HCN4: variants seen among roughly 807,000 people sequenced by gnomAD.
HCN4 encodes potassium/sodium hyperpolarization-activated cyclic nucleotide-gated channel 4.
In HCN4, 29 loss-of-function variants were observed where a neutral mutation model predicts 76.9. That is an observed-to-expected ratio of 0.38 (90% confidence interval 0.28 to 0.51). The LOEUF (loss-of-function observed/expected upper bound fraction) is 0.51. Ranked by LOEUF, HCN4 falls within the 20% of genes least tolerant of loss-of-function variation. The probability of loss-of-function intolerance (pLI) is 0.90; values close to 1 mark genes in which losing one functional copy is unlikely to be tolerated. For synonymous variants in HCN4, 772 were observed against 762.5 expected, an observed-to-expected ratio of 1.01 and a Z score of -0.21; for missense variants, 1,416 against 1,715.2, an observed-to-expected ratio of 0.83 and a Z score of 3.08.
chr15:73,323,799 G>A lies in HCN4; in HGVS notation c.2294C>T (p.Ala765Val). The A allele has an allele frequency of 6.2e-7, 1 of 1,607,264 alleles. No individual in the cohort carries two copies. The highest frequency in any genetic ancestry group is 8.5e-7 in the Non-Finnish European group (1 of 1,179,500). Residue 765 changes from alanine to valine, a missense_variant, in exon 8 of 8, where the codon GCC becomes GTC. Ala to Val is a moderately conservative substitution (Grantham distance 64, BLOSUM62 0). Coordinates refer to ENST00000261917, the MANE Select transcript of HCN4 (RefSeq NM_005477.3). ...GATGACGGGCGTGGGGGTTGGGGTG[G>A]CAGAGGCAGCAGCCTGGACGCGGTG... ...CAHRVQAAAS[A>V]TPTPTPVIWT...
chr15:73,323,262 G>A lies in HCN4; in HGVS notation c.2831C>T (p.Ala944Val), dbSNP rs144450232. 7.7e-4 allele frequency: 1,173 copies of A among 1,525,396 alleles called. 7 individuals carry two copies. In the African/African-American group the frequency reaches 0.014, roughly 18 times the overall value. The allele number at this position is 1,525,396 out of a possible 1,614,324, so 94.5% of individuals were successfully genotyped here. Residue 944 changes from alanine to valine, a missense_variant, in exon 8 of 8, where the codon GCG becomes GTG. Ala to Val is a moderately conservative substitution (Grantham distance 64, BLOSUM62 0). This residue lies in a region of HCN4 where 633 missense variants were observed against 579.8 expected (regional missense o/e 1.09). Coordinates refer to ENST00000261917, the MANE Select transcript of HCN4 (RefSeq NM_005477.3). ...RSPQAAQPSP[A>V]PPGARGGLGL... The stretch of plus-strand genomic sequence containing the variant: ...CAGGCCTCCCCGGGCCCCGGGTGGC[G>A]CGGGAGATGGCTGGGCAGCCTGCGG...
chr15:73,341,334 G>T (rs2043001386), intron 2 of HCN4, among the ~76,000 whole-genome samples: 1 of 151,814 alleles, frequency 6.6e-6, no homozygotes, highest in Non-Finnish European at 1.5e-5. Flanking sequence ...TAGAGACGGG[G>T]TTTCACCACG....
At chr15:73,334,276 C>T (rs1485737130) in intron 2 of HCN4, among the ~76,000 whole-genome samples, 16 of 152,066 alleles carry the variant, frequency 1.1e-4, no homozygotes, top group Admixed American at 4.6e-4. Flanking sequence ...GAGAGCAGGC[C>T]GGTCTGTGGC....
chr15:73,345,545 T>G (rs1003653316), intron 1 of HCN4, among the ~76,000 whole-genome samples: 9 of 152,148 alleles, frequency 5.9e-5, no homozygotes, highest in African/African-American at 2.2e-4. Flanking sequence ...CACCTGCTAA[T>G]GAGTCATGGG....
chr15:73,325,543 G>T lies in HCN4; in HGVS notation c.1591-99C>A, dbSNP rs374308688. The T allele has an allele frequency of 1.2e-5, 15 of 1,239,682 alleles. No homozygotes were observed. Among genetic ancestry groups the T allele is most frequent in the African/African-American group, 8.9e-5 (6 of 67,622 alleles). The allele number at this position is 1,239,682 out of a possible 1,614,324, so 76.8% of individuals were successfully genotyped here. On this transcript the variant is annotated intron_variant, in intron 4 of 7. Transcript: ENST00000261917. The surrounding 1 kb of genome is among the most constrained non-coding windows in gnomAD (Gnocchi z 7.4). ...GGCACCACATCCGGGCACCCACCCC[G>T]GGGGATTTCCTGGCTAAACTTGGTT...
chr15:73,333,690 C>T (rs976134842), intron 2 of HCN4, among the ~76,000 whole-genome samples: 1 of 152,164 alleles, frequency 6.6e-6, no homozygotes, highest in South Asian at 2.1e-4. Context: ...TCATGGGGTC[C>T]GGTAGCTTAA....
At chr15:73,335,461 A>C (rs1179342955) in intron 2 of HCN4, 1 of 152,304 alleles carries the variant, frequency 6.6e-6, no homozygotes. Context: ...AATATATTCT[A>C]TTCTCCTACC....
At chr15:73,336,749 C>A (rs2042967860) in intron 2 of HCN4, among the ~76,000 whole-genome samples, 1 of 152,144 alleles carries the variant, frequency 6.6e-6, no homozygotes, top group African/African-American at 2.4e-5. Context: ...ATCTAAACAC[C>A]CGCAAGATGA....
rs374670137 is a variant in HCN4, at chr15:73,346,570, A to T, written c.786-2762T>A. 2.4e-4 allele frequency among the ~76,000 whole-genome samples: 37 copies of T among 152,312 alleles called. No homozygotes were observed. In the East Asian group the frequency reaches 2.5e-3, roughly 10 times the overall value. ...GCCAGTAGCAGGAGGTCCCTCCAGC[A>T]ATCAGATGACAGACCTATTTGCCTC... On this transcript the variant is annotated intron_variant, in intron 1 of 7. Coordinates refer to ENST00000261917, the MANE Select transcript of HCN4 (RefSeq NM_005477.3).
chr15:73,346,554 A>T (rs1271232571), intron 1 of HCN4, among the ~76,000 whole-genome samples: 1 of 152,178 alleles, frequency 6.6e-6, no homozygotes, highest in Non-Finnish European at 1.5e-5. Flanking sequence ...AGCCAGTAGC[A>T]GGAGGTCCCT....
In HCN4 at chr15:73,329,513, G is replaced by A. The variant is rs1353388740; in HGVS notation, c.1590+60C>T. On this transcript the variant is annotated intron_variant, in intron 4 of 7. Coordinates refer to ENST00000261917, the MANE Select transcript of HCN4 (RefSeq NM_005477.3). ...GGTTCCTGCTGGGGGCCCACTGGCT[G>A]GTGGCCTGTGCTCCCTCTTGGGAGG... is the stretch of plus-strand genomic sequence containing the variant. The A allele has an allele frequency of 2.0e-5, 30 of 1,534,722 alleles. No individual in the cohort carries two copies. The East Asian group carries it at 5.7e-4, about 29-fold the overall frequency.
rs1459016422 is a variant in HCN4, at chr15:73,367,048, A to T, written c.785+438T>A. Among the ~76,000 whole-genome samples, 1 of 152,206 alleles carries T rather than the reference A, an allele frequency of 6.6e-6. No individual in the cohort carries two copies. The highest frequency in any genetic ancestry group is 6.5e-5 in the Admixed American group (1 of 15,282). ...AAAGCAGACATAAATGCCTGCTGTC[A>T]GCACCCAAGGAGCTGGCCCGTTGCT... On this transcript the variant is annotated intron_variant, in intron 1 of 7. Transcript: ENST00000261917. The surrounding 1 kb of genome is among the most constrained non-coding windows in gnomAD (Gnocchi z 7.5).
chr15:73,362,038 G>A (rs1327218434), intron 1 of HCN4, among the ~76,000 whole-genome samples: 2 of 152,264 alleles, frequency 1.3e-5, no homozygotes, highest in African/African-American at 2.4e-5. Flanking sequence ...AGCTGCAAAA[G>A]TGGTGGGACA....
chr15:73,344,494 A>C (rs1181874397), intron 1 of HCN4, among the ~76,000 whole-genome samples: 1 of 152,074 alleles, frequency 6.6e-6, no homozygotes. Context: ...AAAATGTCTG[A>C]CCATCTCCTT....
At chr15:73,353,045 G>A (rs2043062108) in intron 1 of HCN4, among the ~76,000 whole-genome samples, 1 of 152,116 alleles carries the variant, frequency 6.6e-6, no homozygotes, top group Non-Finnish European at 1.5e-5. Context: ...TGGATGGATG[G>A]ATGGACGGAC....
In HCN4 at chr15:73,367,859, A is replaced by G; in HGVS notation, c.412T>C (p.Ser138Pro). The G allele has an allele frequency of 4.6e-6, 6 of 1,309,534 alleles. No individual in the cohort carries two copies. The highest frequency in any genetic ancestry group is 2.9e-4 in the Middle Eastern group (1 of 3,474). The allele number at this position is 1,309,534 out of a possible 1,614,324, so 81.1% of individuals were successfully genotyped here. A position where few individuals can be genotyped will look rare whatever the true frequency, so the allele number is the denominator to read the frequency against. ...ERRLIAEGDA[S>P]PGEDRTPPGL... is the part of the protein sequence containing the mutation. Reference sequence around the variant, plus strand: ...GGGGGCGTCCTGTCCTCGCCGGGGGACGCGTCGCCCTCGGCGATGAGCCGC... The same window carrying G: ...GGGGGCGTCCTGTCCTCGCCGGGGGGCGCGTCGCCCTCGGCGATGAGCCGC... Residue 138 changes from serine to proline, a missense_variant, in exon 1 of 8, where the codon TCC becomes CCC. Physicochemically the swap from Ser to Pro is moderately conservative, Grantham distance 74 (BLOSUM62 -1). Transcript: ENST00000261917. The surrounding 1 kb of genome is among the most constrained non-coding windows in gnomAD (Gnocchi z 7.5).
intron 2 of HCN4, chr15:73,335,242 C>T (rs1159337642): frequency 1.3e-5 from 2 of 152,376 alleles, no homozygotes; most frequent in Non-Finnish European, 2.9e-5. Context: ...GAAAGCTGCG[C>T]AGGAGGCCAA....
At position 73,343,454 on chromosome 15, in the gene HCN4, C is replaced by T. The variant is rs370059727; in HGVS notation, c.1140G>A (p.Thr380=). 26 of 1,614,068 alleles carry T rather than the reference C, an allele frequency of 1.6e-5. No homozygotes were observed. In the East Asian group the frequency reaches 1.8e-4, roughly 11 times the overall value. The change falls in exon 2 of 8, where the codon ACG becomes ACA. Residue 380 remains threonine (T), a synonymous_variant. Coordinates refer to ENST00000261917, the MANE Select transcript of HCN4 (RefSeq NM_005477.3). The surrounding 1 kb of genome is among the most constrained non-coding windows in gnomAD (Gnocchi z 5.7). The part of the protein sequence containing the change: ...TARALRIVRF[T]KILSLLRLLR... Reference sequence around the variant, plus strand: ...ACAGGCGTAAGAGGCTGAGGATCTTCGTGAAGCGGACAATGCGCAGGGCCC... The same window carrying T: ...ACAGGCGTAAGAGGCTGAGGATCTTTGTGAAGCGGACAATGCGCAGGGCCC...
chr15:73,351,411 G>A (rs552914152), intron 1 of HCN4, among the ~76,000 whole-genome samples: 229 of 152,254 alleles, frequency 1.5e-3, no homozygotes, highest in Non-Finnish European at 2.9e-3. Context: ...TGTCCCACGG[G>A]AACCTCACCC....
Sources: gnomAD v4.1 joint callset for allele counts (sites outside exome capture counted in the v4.1 genomes callset) on GRCh38, gnomAD v4.1.1 for gene constraint, gnomAD v4.1.1 regional missense constraint, Gnocchi (gnomAD v3.1) non-coding constraint, MANE v1.5 for transcripts, NCBI Gene and HGNC (gene_info 2026-07-23, HGNC 2026-07-21) for gene names.